SNTG2: variants seen among roughly 807,000 people sequenced by gnomAD.
SNTG2 encodes gamma-2-syntrophin.
Under a neutral mutation model 70.9 loss-of-function variants are expected in SNTG2, and 74 were observed. The ratio of observed to expected loss-of-function variants is 1.04; its 90% CI spans 0.86 to 1.27. SNTG2 has a LOEUF of 1.27. SNTG2 is among the 50% of genes most tolerant of loss of function. The pLI, the probability that SNTG2 is intolerant of heterozygous loss-of-function variation, is 0.00. For synonymous variants in SNTG2, 278 were observed against 273.8 expected (o/e 1.02, Z -0.15); for missense variants, 717 against 690.7 (o/e 1.04, Z -0.43).
intron 1 of SNTG2, among the ~76,000 whole-genome samples, chr2:1,062,715 C>T (rs1662901345): frequency 1.3e-5 from 2 of 152,100 alleles, no homozygotes; most frequent in African/African-American, 4.8e-5. Flanking sequence ...CAAATTTTCC[C>T]TTGATTTTTG....
At chr2:1,168,054 G>A (rs57475322) in intron 7 of SNTG2, among the ~76,000 whole-genome samples, 5 of 109,070 alleles carry the variant, frequency 4.6e-5, no homozygotes, top group South Asian at 3.2e-4. Flanking sequence ...GAAACCTACA[G>A]GCCGCCCACA....
intron 9 of SNTG2, among the ~76,000 whole-genome samples, chr2:1,211,513 C>G (rs1485356913): frequency 2.0e-5 from 3 of 152,132 alleles, no homozygotes; most frequent in Non-Finnish European, 4.4e-5. Flanking sequence ...GTAGAAAAAC[C>G]TGAGACTGGG....
In SNTG2 at chr2:974,175, C is replaced by T. The variant is rs74810778; in HGVS notation, c.72+23107C>T. Among the ~76,000 whole-genome samples the T allele has an allele frequency of 7.8e-4, 119 of 152,206 alleles. 2 individuals are homozygous for T. In the East Asian group the frequency reaches 0.022, roughly 28 times the overall value. ...TGAGTTGAGCTGGGTGGTTGATCTT[C>T]GTTGTTGTCATCCCCTTAGAAGTCA... On this transcript the variant is annotated intron_variant, in intron 1 of 16. Transcript: ENST00000308624.
intron 1 of SNTG2, among the ~76,000 whole-genome samples, chr2:1,014,366 G>A: frequency 1.1e-5 from 1 of 91,842 alleles, no homozygotes; most frequent in East Asian, 2.3e-4. Context: ...GATTTATAAG[G>A]ACAGAGAGAA....
At chr2:1,112,999 C>G (rs950890232) in intron 4 of SNTG2, among the ~76,000 whole-genome samples, 5 of 151,260 alleles carry the variant, frequency 3.3e-5, no homozygotes, top group African/African-American at 9.8e-5. Context: ...ACCTTGCAGT[C>G]CTTTGTGAAG....
At chr2:951,231 C>T (rs1487702339) in intron 1 of SNTG2, among the ~76,000 whole-genome samples, 163 bp downstream of exon 1, 1 of 152,030 alleles carries the variant, frequency 6.6e-6, no homozygotes, top group Non-Finnish European at 1.5e-5. Context: ...AGCCCCGGGA[C>T]GCAGTGGGCA....
chr2:1,088,427 G>T (rs1352973472), intron 2 of SNTG2, among the ~76,000 whole-genome samples: 1 of 152,082 alleles, frequency 6.6e-6, no homozygotes, highest in Non-Finnish European at 1.5e-5. Flanking sequence ...GGCACCCCTG[G>T]TCCTGCTCAG....
At chr2:1,349,917 C>T (rs553411990) in intron 16 of SNTG2, among the ~76,000 whole-genome samples, 2 of 152,236 alleles carry the variant, frequency 1.3e-5, no homozygotes, top group African/African-American at 4.8e-5. Flanking sequence ...ACTCACAGCC[C>T]GCCCAGGCTC....
At chr2:1,283,980 A>G (rs1572919720) in intron 14 of SNTG2, among the ~76,000 whole-genome samples, 1 of 152,230 alleles carries the variant, frequency 6.6e-6, no homozygotes. Context: ...TGAGTACCTC[A>G]CGGTAGATAT....
chr2:981,026 T>A (rs1434388842), intron 1 of SNTG2, among the ~76,000 whole-genome samples: 2 of 152,176 alleles, frequency 1.3e-5, no homozygotes, highest in Non-Finnish European at 2.9e-5. Context: ...GCTGGTGATG[T>A]TCAGGACTGA....
chr2:1,282,348 A>G (rs1679583562), intron 14 of SNTG2, among the ~76,000 whole-genome samples: 1 of 152,198 alleles, frequency 6.6e-6, no homozygotes, highest in South Asian at 2.1e-4. Context: ...GAGCCCTTAG[A>G]TGAAGTTAAT....
In SNTG2 at chr2:1,092,255, G is replaced by GA. The variant is rs984859314; in HGVS notation, c.211-5932dup. Reference sequence around the variant, plus strand: ...CTTTCAAGCCCTTCAATTAGAGAGAGAAAAAAAAACCCTTATTTTCTAGGT... The same window carrying GA: ...CTTTCAAGCCCTTCAATTAGAGAGAGAAAAAAAAAACCCTTATTTTCTAGGT... On this transcript the variant is annotated intron_variant, in intron 2 of 16. Transcript: ENST00000308624. Among the ~76,000 whole-genome samples the GA allele has an allele frequency of 2.4e-4, 6 of 25,434 alleles. No individual in the cohort carries two copies. In the South Asian group the frequency reaches 5.6e-3, roughly 24 times the overall value. The allele number at this position is 25,434 out of a possible 152,430, so 16.7% of individuals were successfully genotyped here.
At chr2:1,333,006 G>T (rs1244566483) in intron 16 of SNTG2, among the ~76,000 whole-genome samples, 1 of 152,062 alleles carries the variant, frequency 6.6e-6, no homozygotes, top group Non-Finnish European at 1.5e-5. Context: ...TTGAAGAGGA[G>T]GTCAAACTAT....
chr2:1,043,618 A>G (rs978104396), intron 1 of SNTG2, among the ~76,000 whole-genome samples: 1 of 152,074 alleles, frequency 6.6e-6, no homozygotes, highest in South Asian at 2.1e-4. Flanking sequence ...TCCAGTTTCA[A>G]TCTTCTGCAT....
chr2:1,234,606 A>C (rs931764575), intron 9 of SNTG2, among the ~76,000 whole-genome samples: 2 of 152,228 alleles, frequency 1.3e-5, no homozygotes, highest in Admixed American at 6.5e-5. Context: ...GCTATGGCAT[A>C]AACGTGCCTG....
intron 8 of SNTG2, among the ~76,000 whole-genome samples, chr2:1,198,256 TG>T (rs1673052473): frequency 6.6e-6 from 1 of 152,044 alleles, no homozygotes; most frequent in African/African-American, 2.4e-5. Flanking sequence ...GAACAACCAT[TG>T]GGTCAATAAA....
intron 9 of SNTG2, among the ~76,000 whole-genome samples, chr2:1,220,705 A>T (rs1012038631): frequency 1.1e-4 from 16 of 152,212 alleles, no homozygotes; most frequent in Non-Finnish European, 2.4e-4. Flanking sequence ...GATCTCTACA[A>T]ACGCCCAGTT....
intron 1 of SNTG2, among the ~76,000 whole-genome samples, chr2:1,063,037 T>C (rs972114877): frequency 1.3e-5 from 2 of 152,222 alleles, no homozygotes; most frequent in Non-Finnish European, 2.9e-5. Context: ...GTAAAAAACT[T>C]AATTGTCCTT....
chr2:1,340,040 A>T (rs913907701), intron 16 of SNTG2, among the ~76,000 whole-genome samples: 1 of 152,340 alleles, frequency 6.6e-6, no homozygotes, highest in East Asian at 1.9e-4. Flanking sequence ...CTGTGGAGGC[A>T]CAGAAGAGGC....
Sources: gnomAD v4.1 joint callset for allele counts (sites outside exome capture counted in the v4.1 genomes callset) on GRCh38, gnomAD v4.1.1 for gene constraint, MANE v1.5 for transcripts, NCBI Gene and HGNC (gene_info 2026-07-23, HGNC 2026-07-21) for gene names.